The following GRIK3 variants were observed in gnomAD, a reference collection of about 807,000 sequenced individuals.
GRIK3 encodes the protein glutamate receptor ionotropic, kainate 3.
In GRIK3, 29 loss-of-function variants were observed where a neutral mutation model predicts 102.5. That is an observed-to-expected ratio of 0.28 (90% CI 0.21 to 0.39). The LOEUF (loss-of-function observed/expected upper bound fraction) is 0.39, where lower values mean the gene tolerates loss of function less well. Among genes scored for constraint, GRIK3 ranks in the 10% least tolerant of loss-of-function variants. The pLI, the probability that GRIK3 is intolerant of heterozygous loss-of-function variation, is 1.00. For missense variants in GRIK3, 908 were observed against 1,252.4 expected (o/e 0.73, Z 4.15); for synonymous variants, 511 against 504.9 (o/e 1.01, Z -0.16).
chr1:36,889,207 G>A (rs1222889668), intron 2 of GRIK3, among the ~76,000 whole-genome samples: 1 of 151,910 alleles, frequency 6.6e-6, no homozygotes, highest in Non-Finnish European at 1.5e-5. Context: ...CTAGGGGTTA[G>A]GGGAGGGTCT....
rs558095977 is a variant in GRIK3, at chr1:36,859,896, C to T, written c.908G>A (p.Arg303Gln). ...SAIVEKWSMERLQAAPRSESG... is the reference protein window; with the variant it reads ...SAIVEKWSMEQLQAAPRSESG... ...CTCGGACCGGGGAGCTGCCTGCAGC[C>T]GCTCCATGGACCACTTCTCCACAAT... Residue 303 changes from arginine to glutamine, a missense_variant, in exon 6 of 16, where the codon CGG becomes CAG. By Grantham distance (43) the Arg-to-Gln change is conservative (BLOSUM62 1). Transcript: ENST00000373091. The T allele has an allele frequency of 2.4e-5, 38 of 1,613,760 alleles. 1 individual carries two copies. In the South Asian group the frequency reaches 3.2e-4, roughly 14 times the overall value.
intron 1 of GRIK3, among the ~76,000 whole-genome samples, chr1:36,959,471 C>A (rs1466771996): frequency 3.9e-5 from 5 of 127,040 alleles, no homozygotes; most frequent in Non-Finnish European, 8.7e-5. Flanking sequence ...CCTGTGTGGC[C>A]CCTGACTCTG....
In GRIK3 at chr1:36,963,443, A is replaced by G. The variant is rs1642037325; in HGVS notation, c.115+70551T>C. ...AGGCTTGGGAGTTGCATTAATAACT[A>G]CGATGGAGAGGAACGCCTTCTGTGT... On this transcript the variant is annotated intron_variant, in intron 1 of 15. Transcript: ENST00000373091. 2.6e-5 allele frequency among the ~76,000 whole-genome samples: 4 copies of G among 152,210 alleles called. No homozygotes were observed. The South Asian group carries it at 8.3e-4, about 32-fold the overall frequency.
chr1:36,863,285 A>G lies in GRIK3; in HGVS notation c.787-3268T>C, dbSNP rs141136741. Among the ~76,000 whole-genome samples the G allele has an allele frequency of 7.6e-3, 1,147 of 151,818 alleles. 9 individuals are homozygous for G. Among genetic ancestry groups the G allele is most frequent in the African/African-American group, 0.026 (1,085 of 41,388 alleles). On this transcript the variant is annotated intron_variant, in intron 5 of 15. Transcript: ENST00000373091. ...GCTCTACCTGCCCAGCCCCCAACTC[A>G]TGCCCACTGCCAGGGCAGTCACCCT...
intron 1 of GRIK3, among the ~76,000 whole-genome samples, chr1:36,961,653 T>C (rs1485421318): frequency 6.6e-6 from 1 of 152,248 alleles, no homozygotes; most frequent in Non-Finnish European, 1.5e-5. Context: ...TCCAGGGTCC[T>C]GCTGGCTCCG....
At chr1:37,018,169 T>C (rs1642673616) in intron 1 of GRIK3, among the ~76,000 whole-genome samples, 1 of 152,156 alleles carries the variant, frequency 6.6e-6, no homozygotes, top group Non-Finnish European at 1.5e-5. Context: ...GGCTGCCACA[T>C]GAATAAACCC....
At chr1:36,807,430 G>A (rs1017974397) in intron 13 of GRIK3, among the ~76,000 whole-genome samples, 7 of 152,162 alleles carry the variant, frequency 4.6e-5, no homozygotes, top group Admixed American at 1.3e-4. Context: ...CACTGAGCCC[G>A]GCTGGTTCCA....
Position 36,849,044 on chromosome 1 carries a change from A to T in GRIK3, c.1326+1267T>A, listed in dbSNP as rs74064785. ...ATCATCTTTAGCTCAGATCCTCTCA[A>T]TCATCCTAACCCCGAGGGCCGATGG... is the stretch of plus-strand genomic sequence containing the variant. On this transcript the variant is annotated intron_variant, in intron 9 of 15. Transcript: ENST00000373091. Among the ~76,000 whole-genome samples the T allele has an allele frequency of 4.8e-3, 727 of 152,180 alleles. 6 individuals carry two copies. Among genetic ancestry groups the T allele is most frequent in the African/African-American group, 0.017 (692 of 41,508 alleles).
At chr1:36,859,279 G>T (rs2124238721) in intron 6 of GRIK3, 28 bp from the exon 7 acceptor site, 3 of 1,582,760 alleles carry the variant, frequency 1.9e-6, no homozygotes, top group Non-Finnish European at 8.6e-7. Flanking sequence ...CCTGAGAGCG[G>T]CTCCCAAGGC....
intron 12 of GRIK3, among the ~76,000 whole-genome samples, chr1:36,818,440 C>A (rs1226315061): frequency 6.6e-6 from 1 of 152,212 alleles, no homozygotes; most frequent in African/African-American, 2.4e-5. Context: ...TGTGTCCCCT[C>A]CCCAACTGGC....
intron 7 of GRIK3, among the ~76,000 whole-genome samples, chr1:36,857,726 G>A (rs1375932901): frequency 2.0e-5 from 3 of 152,224 alleles, no homozygotes; most frequent in Non-Finnish European, 4.4e-5. Context: ...GCCTCATCTG[G>A]AAGCAGCGAT....
At chr1:36,964,696 C>A (rs1165753385) in intron 1 of GRIK3, among the ~76,000 whole-genome samples, 1 of 152,200 alleles carries the variant, frequency 6.6e-6, no homozygotes, top group East Asian at 1.9e-4. Context: ...TGCCTGATTT[C>A]AAGACCATTC....
intron 13 of GRIK3, among the ~76,000 whole-genome samples, chr1:36,815,144 T>C (rs1354672707): frequency 6.6e-6 from 1 of 152,246 alleles, no homozygotes; most frequent in African/African-American, 2.4e-5. Flanking sequence ...CAACATGCCT[T>C]TGATAATGCC....
intron 1 of GRIK3, among the ~76,000 whole-genome samples, chr1:36,908,245 A>G (rs1641307147): frequency 6.6e-6 from 1 of 152,208 alleles, no homozygotes; most frequent in South Asian, 2.1e-4. Flanking sequence ...CTCTGCTTCC[A>G]GGGGACCTGA....
At chr1:36,898,492 A>T (rs1641198161) in intron 1 of GRIK3, among the ~76,000 whole-genome samples, 1 of 152,206 alleles carries the variant, frequency 6.6e-6, no homozygotes, top group Non-Finnish European at 1.5e-5. Flanking sequence ...AAAATTTAAA[A>T]TGTAAAAAGC....
intron 1 of GRIK3, among the ~76,000 whole-genome samples, chr1:36,962,635 A>G (rs1642024611): frequency 1.5e-5 from 2 of 134,942 alleles, no homozygotes; most frequent in African/African-American, 3.0e-5. Flanking sequence ...AGAGAGAGGG[A>G]GAGGAAGAGA....
At chr1:36,886,211 G>A (rs1326566012) in intron 2 of GRIK3, among the ~76,000 whole-genome samples, 1 of 152,152 alleles carries the variant, frequency 6.6e-6, no homozygotes, top group Non-Finnish European at 1.5e-5. Flanking sequence ...TCATGTGGAG[G>A]GAAGGACTAA....
At chr1:36,889,608 G>GT (rs1314232905) in intron 2 of GRIK3, among the ~76,000 whole-genome samples, 2 of 152,050 alleles carry the variant, frequency 1.3e-5, no homozygotes, top group African/African-American at 4.8e-5. Context: ...CAGGAGCTAG[G>GT]TTTCTGTCTT....
At chr1:36,933,288 C>G (rs1191005681) in intron 1 of GRIK3, among the ~76,000 whole-genome samples, 1 of 152,146 alleles carries the variant, frequency 6.6e-6, no homozygotes, top group Non-Finnish European at 1.5e-5. Context: ...AGGTGTCAAA[C>G]CTCAGTTCAC....
Sources: gnomAD v4.1 joint callset for allele counts (sites outside exome capture counted in the v4.1 genomes callset) on GRCh38, gnomAD v4.1.1 for gene constraint, MANE v1.5 for transcripts, NCBI Gene and HGNC (gene_info 2026-07-23, HGNC 2026-07-21) for gene names.